TEX15: variants seen among roughly 807,000 people sequenced by gnomAD.
TEX15 encodes testis-expressed protein 15.
Under a neutral mutation model 237.3 loss-of-function variants are expected in TEX15, and 171 were observed. The ratio of observed to expected loss-of-function variants is 0.72; its 90% CI spans 0.64 to 0.82. The LOEUF is 0.82. Among genes scored for constraint, TEX15 ranks in the 40% least tolerant of loss-of-function variants. TEX15 has a pLI of 0.00. For missense variants in TEX15, 3,750 were observed against 3,646.5 expected (o/e 1.03, Z -0.73); for synonymous variants, 1,338 against 1,269.8 (o/e 1.05, Z -1.14).
chr8:30,907,168 C>T (rs1357246665), intron 1 of TEX15, among the ~76,000 whole-genome samples: 3 of 152,162 alleles, frequency 2.0e-5, no homozygotes, highest in Non-Finnish European at 4.4e-5. Flanking sequence ...GAGACAAGAT[C>T]TTGCTGTGTT....
intron 4 of TEX15, among the ~76,000 whole-genome samples, chr8:30,871,676 CAT>C (rs1336315909): frequency 6.6e-6 from 1 of 152,102 alleles, no homozygotes; most frequent in Non-Finnish European, 1.5e-5. Context: ...TCTTCTAACA[CAT>C]ATACTTTCAA....
Position 30,848,570 on chromosome 8 carries a change from T to C in TEX15, c.1597A>G (p.Lys533Glu), listed in dbSNP as rs1300447572. Reference sequence around the variant, plus strand: ...GGGAAGGAAAAATTACCTTGGTCCTTACATTGCCCTGCCATGGTAACTTTA... The same window carrying C: ...GGGAAGGAAAAATTACCTTGGTCCTCACATTGCCCTGCCATGGTAACTTTA... ...PNKVTMAGQCKDQGNFSFPIS... is the reference protein window; with the variant it reads ...PNKVTMAGQCEDQGNFSFPIS... The change falls in exon 8 of 11, where the codon AAG becomes GAG. Residue 533 changes from lysine to glutamate, a missense_variant. Physicochemically the swap from Lys to Glu is moderately conservative, Grantham distance 56. Transcript: ENST00000643185. The C allele has an allele frequency of 3.1e-6, 5 of 1,614,048 alleles. No homozygotes were observed. In the South Asian group the frequency reaches 5.5e-5, roughly 18 times the overall value.
chr8:30,836,977 C>G lies in TEX15; in HGVS notation c.9307G>C (p.Glu3103Gln), dbSNP rs767703888. 6.2e-7 allele frequency: 1 copy of G among 1,614,058 alleles called. No individual in the cohort carries two copies. Among genetic ancestry groups the G allele is most frequent in the South Asian group, 1.1e-5 (1 of 91,066 alleles). Residue 3103 changes from glutamate (E) to glutamine (Q), a missense_variant, in exon 10 of 11, where the codon GAG becomes CAG. Transcript: ENST00000643185. ...GGCACAAAGCCATTTGCTTGTGGCT[C>G]CCCCGCAAAATAAGTAAAATATTGA... ...YSQYFTYFAG[E>Q]PQANGFVPVN...
At chr8:30,873,380 G>A (rs892750130) in intron 4 of TEX15, among the ~76,000 whole-genome samples, 1 of 152,080 alleles carries the variant, frequency 6.6e-6, no homozygotes, top group South Asian at 2.1e-4. Context: ...AATTTTCTAC[G>A]ATTGAGAAAA....
chr8:30,885,018 C>T (rs558209839), intron 3 of TEX15, among the ~76,000 whole-genome samples: 28 of 152,088 alleles, frequency 1.8e-4, no homozygotes, highest in Admixed American at 2.0e-4. Flanking sequence ...ATTTTGTTTT[C>T]CTTTTCATTT....
At position 30,836,914 on chromosome 8, in the gene TEX15, T is replaced by C; in HGVS notation, c.9370A>G (p.Asn3124Asp). ...GYFQSQIPAS[N>D]FRQPIFSQYA... Reference sequence around the variant, plus strand: ...TGTGAAAAAATTGGCTGCCGAAAATTAGAAGCAGGTATTTGAGATTGAAAA... The same window carrying C: ...TGTGAAAAAATTGGCTGCCGAAAATCAGAAGCAGGTATTTGAGATTGAAAA... Residue 3124 changes from asparagine (N) to aspartate (D), a missense_variant, in exon 10 of 11, where the codon AAT (asparagine) becomes GAT (aspartate). Asn to Asp is a conservative substitution (Grantham distance 23). Transcript: ENST00000643185. The C allele has an allele frequency of 6.2e-7, 1 of 1,614,188 alleles. No homozygotes were observed. Among genetic ancestry groups the C allele is most frequent in the African/African-American group, 1.3e-5 (1 of 75,050 alleles).
chr8:30,850,996 T>G (rs1807771858), intron 7 of TEX15, among the ~76,000 whole-genome samples: 1 of 152,154 alleles, frequency 6.6e-6, no homozygotes. Context: ...ACTATACAAA[T>G]GTAAGCACTT....
chr8:30,910,162 C>T (rs1411222833), intron 1 of TEX15, among the ~76,000 whole-genome samples: 1 of 151,554 alleles, frequency 6.6e-6, no homozygotes, highest in Non-Finnish European at 1.5e-5. Flanking sequence ...GTATATCATC[C>T]TTCGGTACAA....
chr8:30,906,450 TGTG>T (rs1042643995), intron 1 of TEX15, among the ~76,000 whole-genome samples: 1 of 151,540 alleles, frequency 6.6e-6, no homozygotes, highest in Non-Finnish European at 1.5e-5. Context: ...ATTAGCCTGG[TGTG>T]GTGGCAGGCA....
intron 1 of TEX15, among the ~76,000 whole-genome samples, chr8:30,907,868 A>G (rs1475128702): frequency 6.6e-6 from 1 of 150,690 alleles, no homozygotes; most frequent in Admixed American, 6.6e-5. Flanking sequence ...AGCCCAGGTG[A>G]TCAAGGCTGC....
chr8:30,853,129 G>A (rs1344426310), intron 7 of TEX15, among the ~76,000 whole-genome samples: 1 of 152,154 alleles, frequency 6.6e-6, no homozygotes, highest in Non-Finnish European at 1.5e-5. Context: ...AAAGCAATAA[G>A]CTATAATACA....
At chr8:30,900,490 T>C (rs1808986755) in intron 1 of TEX15, among the ~76,000 whole-genome samples, 1 of 152,226 alleles carries the variant, frequency 6.6e-6, no homozygotes, top group South Asian at 2.1e-4. Context: ...ACTGATGACA[T>C]TTCTATGTCT....
Position 30,867,296 on chromosome 8 carries a change from C to T in TEX15, c.509G>A (p.Ser170Asn), listed in dbSNP as rs1808193244. The change falls in exon 5 of 11, where the codon AGC (serine) becomes AAC (asparagine). Residue 170 changes from serine (S) to asparagine (N), a missense_variant. Ser to Asn is a conservative substitution (Grantham distance 46). Coordinates refer to ENST00000643185, the MANE Select transcript of TEX15 (RefSeq NM_001350162.2). ...DIALNYSHSQ[S>N]ITVESILIFK... ...AATTAAAATACTTTCTACAGTAATG[C>T]TTTGACTATGAGAATAATTCAAGGC... The T allele has an allele frequency of 2.0e-6, 3 of 1,510,218 alleles. No individual in the cohort carries two copies. Among genetic ancestry groups the T allele is most frequent in the African/African-American group, 2.8e-5 (2 of 72,376 alleles). 93.6% of individuals were successfully genotyped at this position (1,510,218 alleles called of 1,614,324 possible).
chr8:30,902,210 T>C lies in TEX15; in HGVS notation c.-85-3393A>G, dbSNP rs115266870. ...TCTAATCAGGTATATAAGAACTATT[T>C]TTTCCTTTTCCTCCTTTTTTTTTTT... On this transcript the variant is annotated intron_variant, in intron 1 of 10. Coordinates refer to ENST00000643185, the MANE Select transcript of TEX15 (RefSeq NM_001350162.2). Among the ~76,000 whole-genome samples, 1,028 of 152,022 alleles carry C rather than the reference T, an allele frequency of 6.8e-3. 16 individuals carry two copies. Among genetic ancestry groups the C allele is most frequent in the African/African-American group, 0.024 (977 of 41,318 alleles).
chr8:30,850,268 T>C (rs981039288), intron 7 of TEX15, among the ~76,000 whole-genome samples: 1 of 152,138 alleles, frequency 6.6e-6, no homozygotes, highest in Non-Finnish European at 1.5e-5. Flanking sequence ...TTTAAAATAA[T>C]TTATAAAAAT....
At chr8:30,888,186 A>G (rs1250598406) in intron 2 of TEX15, among the ~76,000 whole-genome samples, 1 of 151,894 alleles carries the variant, frequency 6.6e-6, no homozygotes, top group Non-Finnish European at 1.5e-5. Flanking sequence ...AAGTGCTGGA[A>G]TTACAGGCAT....
intron 1 of TEX15, among the ~76,000 whole-genome samples, chr8:30,907,582 TAATA>T (rs1313799972): frequency 4.3e-5 from 6 of 139,500 alleles, no homozygotes; most frequent in Non-Finnish European, 7.7e-5. Flanking sequence ...ATATATAAAT[TAATA>T]TACATTATAT....
intron 7 of TEX15, among the ~76,000 whole-genome samples, chr8:30,853,773 C>G (rs1490688593): frequency 1.3e-5 from 2 of 151,942 alleles, no homozygotes; most frequent in African/African-American, 4.8e-5. Context: ...GGTTATACAA[C>G]AAACCTCAAT....
At chr8:30,871,363 G>A (rs1475459035) in intron 4 of TEX15, among the ~76,000 whole-genome samples, 3 of 152,018 alleles carry the variant, frequency 2.0e-5, no homozygotes, top group Admixed American at 6.6e-5. Context: ...CTCTCCCTCT[G>A]CTGTGCACAG....
Sources: allele counts gnomAD v4.1 joint callset (sites outside exome capture counted in the v4.1 genomes callset), GRCh38; gene constraint gnomAD v4.1.1; transcripts MANE v1.5; gene names NCBI Gene and HGNC (gene_info 2026-07-23, HGNC 2026-07-21).